The following SLIT3 variants were observed in gnomAD, a reference collection of about 807,000 sequenced individuals.
SLIT3 encodes slit homolog 3 protein.
Under a neutral mutation model 184.0 loss-of-function variants are expected in SLIT3, and 68 were observed. That is an observed-to-expected ratio of 0.37 (90% confidence interval 0.30 to 0.45). SLIT3 has a LOEUF of 0.45. SLIT3 is among the 20% of genes least tolerant of loss of function. SLIT3 has a pLI of 1.00. For synonymous variants in SLIT3, 831 were observed against 828.6 expected (o/e 1.00, Z -0.05); for missense variants, 1,707 against 2,026.0 (o/e 0.84, Z 3.02).
chr5:169,048,473 T>G (rs574898037), intron 4 of SLIT3, among the ~76,000 whole-genome samples: 3 of 152,322 alleles, frequency 2.0e-5, no homozygotes, highest in South Asian at 2.1e-4. Flanking sequence ...GTAATTTGGT[T>G]AGGGTGACAG....
chr5:169,187,044 T>C (rs112285542), intron 4 of SLIT3, among the ~76,000 whole-genome samples: 34 of 150,356 alleles, frequency 2.3e-4, no homozygotes, highest in Non-Finnish European at 4.0e-4. Context: ...AAATACCTCG[T>C]ATAACTGAAT....
At chr5:168,974,789 A>C (rs1754691810) in intron 4 of SLIT3, among the ~76,000 whole-genome samples, 1 of 152,128 alleles carries the variant, frequency 6.6e-6, no homozygotes, top group Admixed American at 6.5e-5. Flanking sequence ...TCTCCTCCAA[A>C]ATACCCTGAC....
intron 16 of SLIT3, among the ~76,000 whole-genome samples, chr5:168,757,677 C>T (rs185467972): frequency 1.9e-4 from 29 of 152,268 alleles, no homozygotes; most frequent in African/African-American, 4.3e-4. Context: ...CCTTGTGATC[C>T]GCCTGGCTCA....
At chr5:169,135,367 C>G (rs184698757) in intron 4 of SLIT3, among the ~76,000 whole-genome samples, 158 of 152,272 alleles carry the variant, frequency 1.0e-3, no homozygotes, top group African/African-American at 3.7e-3. Flanking sequence ...CTGCCTCGGC[C>G]TCCCAAAGTG....
At chr5:168,829,895 G>A (rs905072992) in intron 6 of SLIT3, among the ~76,000 whole-genome samples, 1 of 152,190 alleles carries the variant, frequency 6.6e-6, no homozygotes, top group Non-Finnish European at 1.5e-5. Flanking sequence ...CCTCTTGCTT[G>A]GCTCAGGCAG....
intron 4 of SLIT3, among the ~76,000 whole-genome samples, chr5:169,136,766 G>A (rs966937390): frequency 1.3e-5 from 2 of 152,176 alleles, no homozygotes; most frequent in Non-Finnish European, 2.9e-5. Flanking sequence ...GTGTTTGGGG[G>A]TGGGGAGTGT....
chr5:169,279,684 TA>T (rs1766931367), intron 1 of SLIT3, among the ~76,000 whole-genome samples: 1 of 152,222 alleles, frequency 6.6e-6, no homozygotes, highest in South Asian at 2.1e-4. Flanking sequence ...ATGTTATCCA[TA>T]AATTATATAA....
intron 8 of SLIT3, among the ~76,000 whole-genome samples, chr5:168,807,048 G>A (rs1044178792): frequency 6.6e-5 from 10 of 152,118 alleles, no homozygotes; most frequent in African/African-American, 2.4e-4. Flanking sequence ...CCCCATTTGC[G>A]GCATTGATGT....
chr5:169,253,467 C>T (rs1045500814), intron 1 of SLIT3, among the ~76,000 whole-genome samples: 1 of 152,160 alleles, frequency 6.6e-6, no homozygotes, highest in Non-Finnish European at 1.5e-5. Context: ...GCTTCAGAGG[C>T]AGGCAGTCCT....
intron 9 of SLIT3, among the ~76,000 whole-genome samples, chr5:168,796,711 G>A (rs73805226): frequency 3.9e-5 from 6 of 152,152 alleles, no homozygotes; most frequent in African/African-American, 1.2e-4. Flanking sequence ...AGTAATCCCC[G>A]CTGTAGAGTG....
chr5:169,300,841 C>T lies in SLIT3; in HGVS notation c.-132G>A. The T allele has an allele frequency of 1.0e-6, 1 of 953,736 alleles. No individual in the cohort carries two copies. The allele number at this position is 953,736 out of a possible 1,614,324, so 59.1% of individuals were successfully genotyped here. ...AGTTAGCGCGGAGGAGGGGCGAGCT[C>T]GGTGCTCAGGCGCACGGGGCGCGGG... On this transcript the variant is annotated 5_prime_UTR_variant, in exon 1 of 36. Transcript: ENST00000519560. The surrounding 1 kb of genome is among the most constrained non-coding windows in gnomAD (Gnocchi z 4.1).
intron 8 of SLIT3, among the ~76,000 whole-genome samples, chr5:168,810,595 G>C (rs1027009890): frequency 6.6e-6 from 1 of 152,188 alleles, no homozygotes; most frequent in Non-Finnish European, 1.5e-5. Context: ...CTCAATACGC[G>C]TCTCCCCTCT....
At chr5:168,749,714 T>C in intron 18 of SLIT3, 79 bp from the exon 19 acceptor site, 3 of 1,492,848 alleles carry the variant, frequency 2.0e-6, no homozygotes, top group Middle Eastern at 1.8e-4. Context: ...AGAGCCCAGC[T>C]CTCCTAGCCA....
At chr5:169,030,022 A>T (rs1198470966) in intron 4 of SLIT3, among the ~76,000 whole-genome samples, 1 of 152,148 alleles carries the variant, frequency 6.6e-6, no homozygotes, top group East Asian at 1.9e-4. Context: ...CAGCTTTTGG[A>T]AAGAGGGGAG....
intron 9 of SLIT3, among the ~76,000 whole-genome samples, chr5:168,805,431 T>C (rs752922833): frequency 6.6e-6 from 1 of 152,162 alleles, no homozygotes; most frequent in Non-Finnish European, 1.5e-5. Context: ...TACCTAATGA[T>C]GTTCTCAGTA....
At chr5:168,760,574 G>C (rs542755838) in intron 16 of SLIT3, among the ~76,000 whole-genome samples, 1 of 152,300 alleles carries the variant, frequency 6.6e-6, no homozygotes, top group East Asian at 1.9e-4. Flanking sequence ...CCCTGGGGTA[G>C]GTGTTGGATG....
At chr5:169,053,541 G>C (rs1757883563) in intron 4 of SLIT3, among the ~76,000 whole-genome samples, 1 of 152,156 alleles carries the variant, frequency 6.6e-6, no homozygotes, top group African/African-American at 2.4e-5. Context: ...ATATGATATA[G>C]TCTATATTTC....
chr5:169,084,486 G>A (rs1759208409), intron 4 of SLIT3, among the ~76,000 whole-genome samples: 2 of 133,318 alleles, frequency 1.5e-5, no homozygotes, highest in Non-Finnish European at 3.1e-5. Flanking sequence ...TTTGTTTCTG[G>A]TATTTAGTAG....
rs534537846 is a variant in SLIT3 at position 169,136,564 on chromosome 5, G to A, written c.413+56915C>T. On this transcript the variant is annotated intron_variant, in intron 4 of 35. Coordinates refer to ENST00000519560, the MANE Select transcript of SLIT3 (RefSeq NM_003062.4). ...AATAGTCCCGTCGTGGGTCAGTCTG[G>A]ATCACATGTCAACAAGGCTATGGTG... Among the ~76,000 whole-genome samples, 9 of 152,304 alleles carry A rather than the reference G, an allele frequency of 5.9e-5. No homozygotes were observed. In the East Asian group the frequency reaches 1.7e-3, roughly 29 times the overall value.
Sources: allele counts gnomAD v4.1 joint callset (sites outside exome capture counted in the v4.1 genomes callset), GRCh38; gene constraint gnomAD v4.1.1; non-coding constraint Gnocchi (gnomAD v3.1); transcripts MANE v1.5; gene names NCBI Gene and HGNC (gene_info 2026-07-23, HGNC 2026-07-21).